The following SLCO1B3 variants were observed in gnomAD, a reference collection of about 807,000 sequenced individuals.
The protein encoded by SLCO1B3 is solute carrier organic anion transporter family member 1B3.
In SLCO1B3, 72 loss-of-function variants were observed where a neutral mutation model predicts 71.8. The ratio of observed to expected loss-of-function variants is 1.00; its 90% confidence interval spans 0.83 to 1.22. The LOEUF is 1.22. Among genes scored for constraint, SLCO1B3 ranks in the 50% most tolerant of loss-of-function variants. The pLI is 0.00. For synonymous variants in SLCO1B3, 298 were observed against 278.4 expected, an observed-to-expected ratio of 1.07 and a Z score of -0.70; for missense variants, 911 against 819.7, an observed-to-expected ratio of 1.11 and a Z score of -1.36.
intron 8 of SLCO1B3, among the ~76,000 whole-genome samples, chr12:20,865,977 C>A (rs1019706528): frequency 8.6e-5 from 13 of 152,014 alleles, no homozygotes; most frequent in Admixed American, 8.5e-4. Flanking sequence ...ATTTAAAATG[C>A]CATGTGTCAT....
intron 3 of SLCO1B3, among the ~76,000 whole-genome samples, chr12:20,820,746 G>T (rs1864284421): frequency 1.3e-5 from 2 of 152,064 alleles, no homozygotes; most frequent in Admixed American, 1.3e-4. Flanking sequence ...ACCTTTTAGG[G>T]TCTAGGGCTG....
At chr12:20,838,792 C>T (rs535422057) in intron 3 of SLCO1B3, among the ~76,000 whole-genome samples, 1 of 152,156 alleles carries the variant, frequency 6.6e-6, no homozygotes, top group South Asian at 2.1e-4. Flanking sequence ...TCATGTGGTA[C>T]ATGATTGTAG....
intron 3 of SLCO1B3, among the ~76,000 whole-genome samples, chr12:20,852,870 A>T (rs1591761670): frequency 6.6e-6 from 1 of 152,136 alleles, no homozygotes; most frequent in East Asian, 1.9e-4. Flanking sequence ...CTGTGAACAG[A>T]GATAATTTTA....
In SLCO1B3 at chr12:20,862,567, C is replaced by T. The variant is rs1865289741; in HGVS notation, c.628+9C>T. ...TTCTTCCTTGTATTTAGGTAACGTA[C>T]AGAATATATTAAATTTCATGATTAC... is the stretch of plus-strand genomic sequence containing the variant. On this transcript the variant is annotated intron_variant, in intron 7 of 15. Transcript: ENST00000381545. 8 of 1,588,460 alleles carry T rather than the reference C, an allele frequency of 5.0e-6. No homozygotes were observed. The highest frequency in any genetic ancestry group is 6.9e-6 in the Non-Finnish European group (8 of 1,165,004).
At position 20,855,174 on chromosome 12, in the gene SLCO1B3, C is replaced by A; in HGVS notation, c.226+5C>A. 1 of 1,602,554 alleles carries A rather than the reference C, an allele frequency of 6.2e-7. No individual in the cohort carries two copies. Among genetic ancestry groups the A allele is most frequent in the Non-Finnish European group, 8.5e-7 (1 of 1,173,878 alleles). ...TTGATGGAAGCTTTGAAATTGGTAA[C>A]TTTTATTTTTTCTATTTGATAACCA... On this transcript the variant is annotated splice_donor_5th_base_variant and intron_variant, in intron 4 of 15. Coordinates refer to ENST00000381545, the MANE Select transcript of SLCO1B3 (RefSeq NM_019844.4).
intron 15 of SLCO1B3, among the ~76,000 whole-genome samples, chr12:20,907,498 T>C (rs1591792878): frequency 1.7e-5 from 2 of 120,904 alleles, no homozygotes; most frequent in Non-Finnish European, 1.7e-5. Flanking sequence ...TTCTCCTCCC[T>C]TCCCTTCCCT....
chr12:20,903,961 C>T (rs1431467644), intron 15 of SLCO1B3, among the ~76,000 whole-genome samples: 5 of 152,114 alleles, frequency 3.3e-5, no homozygotes, highest in Non-Finnish European at 7.4e-5. Context: ...TACTTCTGGC[C>T]AGGCGCGGTG....
intron 14 of SLCO1B3, among the ~76,000 whole-genome samples, chr12:20,900,416 T>C (rs991453818): frequency 5.9e-5 from 9 of 152,186 alleles, no homozygotes; most frequent in Admixed American, 4.6e-4. Flanking sequence ...GCCATCTGAA[T>C]GATAGCTCTC....
chr12:20,829,194 T>A (rs943197462), intron 3 of SLCO1B3, among the ~76,000 whole-genome samples: 1 of 152,220 alleles, frequency 6.6e-6, no homozygotes, highest in African/African-American at 2.4e-5. Flanking sequence ...ATAGGATCGC[T>A]GAGTGATCTA....
intron 8 of SLCO1B3, among the ~76,000 whole-genome samples, chr12:20,867,622 C>T (rs1258322744): frequency 1.3e-5 from 2 of 152,154 alleles, no homozygotes; most frequent in Non-Finnish European, 2.9e-5. Context: ...ATCAGACAGT[C>T]TGGCAGAAGT....
chr12:20,882,646 C>CGCCTGCCTCATCCTCCCAAAGT (rs1257938337), intron 12 of SLCO1B3, among the ~76,000 whole-genome samples: 2 of 152,076 alleles, frequency 1.3e-5, no homozygotes, highest in Non-Finnish European at 2.9e-5. Context: ...CCTCATGATA[C>CGCCTGCCTCATCCTCCCAAAGT]GCCTGCCTCA....
chr12:20,865,926 T>C (rs1865365339), intron 8 of SLCO1B3, among the ~76,000 whole-genome samples: 1 of 152,080 alleles, frequency 6.6e-6, no homozygotes, highest in African/African-American at 2.4e-5. Context: ...TGTAATCATC[T>C]CCTGTTGTTA....
chr12:20,814,148 G>A (rs1864152210), intron 2 of SLCO1B3, among the ~76,000 whole-genome samples: 1 of 151,980 alleles, frequency 6.6e-6, no homozygotes. Context: ...ATAAATATGT[G>A]TTATGCATAT....
chr12:20,834,820 G>A (rs916858855), intron 3 of SLCO1B3, among the ~76,000 whole-genome samples: 7 of 152,142 alleles, frequency 4.6e-5, no homozygotes, highest in Non-Finnish European at 8.8e-5. Flanking sequence ...ACCATTCTGG[G>A]ATCTGGAGGA....
chr12:20,863,893 A>G (rs1037837757), intron 8 of SLCO1B3, among the ~76,000 whole-genome samples: 4 of 152,130 alleles, frequency 2.6e-5, no homozygotes, highest in African/African-American at 7.2e-5. Context: ...ATATTTTTCT[A>G]TAATTTATTT....
At chr12:20,835,196 G>A (rs1048892043) in intron 3 of SLCO1B3, among the ~76,000 whole-genome samples, 6 of 152,154 alleles carry the variant, frequency 3.9e-5, no homozygotes, top group Non-Finnish European at 7.3e-5. Context: ...ACAGCAGGGG[G>A]GCCCTGGACC....
intron 13 of SLCO1B3, among the ~76,000 whole-genome samples, chr12:20,886,963 A>G (rs1591781982): frequency 1.3e-5 from 2 of 152,148 alleles, no homozygotes; most frequent in Admixed American, 6.6e-5. Context: ...AAGTAAGTAC[A>G]TGCATTTTTT....
At chr12:20,860,598 T>TG (rs34379947) in intron 5 of SLCO1B3, among the ~76,000 whole-genome samples, 34,668 of 133,322 alleles carry the variant, frequency 0.26, 4,269 homozygotes, top group Middle Eastern at 0.39. Flanking sequence ...AGTCAAGCAC[T>TG]TTGTGTGTGT....
At chr12:20,883,652 C>T (rs374810352) in intron 13 of SLCO1B3, 50 bp downstream of exon 13, 31 of 1,169,684 alleles carry the variant, frequency 2.7e-5, no homozygotes, top group African/African-American at 1.1e-4. Context: ...CTAAAACACA[C>T]CTAATGATAG....
Sources: gnomAD v4.1 joint callset for allele counts (sites outside exome capture counted in the v4.1 genomes callset) on GRCh38, gnomAD v4.1.1 for gene constraint, MANE v1.5 for transcripts, NCBI Gene and HGNC (gene_info 2026-07-23, HGNC 2026-07-21) for gene names.